PAG1: variants seen among roughly 807,000 people sequenced by gnomAD.
PAG1 encodes the protein phosphoprotein associated with glycosphingolipid-enriched microdomains 1.
PAG1 carries 23 observed loss-of-function variants against 31.7 expected under a neutral mutation model. That is an observed-to-expected ratio of 0.73 (90% CI 0.52 to 1.03). PAG1 has a LOEUF of 1.03. PAG1 is among the 50% of genes least tolerant of loss of function. The pLI, the probability that PAG1 is intolerant of heterozygous loss-of-function variation, is 0.00. For missense variants in PAG1, 473 were observed against 540.7 expected, an observed-to-expected ratio of 0.87 and a Z score of 1.24; for synonymous variants, 214 against 210.3, an observed-to-expected ratio of 1.02 and a Z score of -0.15.
intron 3 of PAG1, among the ~76,000 whole-genome samples, chr8:81,007,780 T>C (rs1807912737): frequency 6.6e-6 from 1 of 152,062 alleles, no homozygotes; most frequent in African/African-American, 2.4e-5. Flanking sequence ...GCATAGACTA[T>C]ATTTCTGTGA....
Position 81,098,184 on chromosome 8 carries a change from A to G in PAG1, c.-234+13407T>C, listed in dbSNP as rs142351192. 1.3e-3 allele frequency among the ~76,000 whole-genome samples: 195 copies of G among 152,342 alleles called. 1 individual carries two copies. The highest frequency in any genetic ancestry group is 4.3e-3 in the African/African-American group (177 of 41,576). ...CTGCAGTTATAGTTTTCTAAGTACTACCAATGGAAATCTGGAAATTAAAAC... is the reference window on the plus strand; with the variant it reads ...CTGCAGTTATAGTTTTCTAAGTACTGCCAATGGAAATCTGGAAATTAAAAC... On this transcript the variant is annotated intron_variant, in intron 1 of 8. Transcript: ENST00000220597.
chr8:81,091,017 T>C (rs1809435608), intron 1 of PAG1, among the ~76,000 whole-genome samples: 1 of 152,184 alleles, frequency 6.6e-6, no homozygotes, highest in Non-Finnish European at 1.5e-5. Context: ...GACTAGCTAA[T>C]ACAGGAACAT....
At chr8:81,056,559 A>G (rs948608680) in intron 2 of PAG1, among the ~76,000 whole-genome samples, 5 of 152,216 alleles carry the variant, frequency 3.3e-5, no homozygotes, top group Non-Finnish European at 7.3e-5. Context: ...CACCTTATAT[A>G]AAAATTAATT....
At position 80,971,883 on chromosome 8, in the gene PAG1, T is replaced by A. The variant is rs927527639; in HGVS notation, c.*4661A>T. The A allele has an allele frequency of 2.0e-5, 3 of 152,242 alleles. No individual in the cohort carries two copies. Among genetic ancestry groups the A allele is most frequent in the African/African-American group, 7.2e-5 (3 of 41,466 alleles). The allele number at this position is 152,242 out of a possible 1,614,324, so 9.4% of individuals were successfully genotyped here. On this transcript the variant is annotated 3_prime_UTR_variant, in exon 9 of 9. Transcript: ENST00000220597. ...TTTGTTCTCTTCTGGACCATGATTT[T>A]AAATTTTAATTTGGTAATTCCAGAT...
chr8:81,037,257 T>C (rs1053483519), intron 2 of PAG1: 2 of 152,188 alleles, frequency 1.3e-5, no homozygotes, highest in African/African-American at 4.8e-5. Context: ...ATCTACAACA[T>C]ACAGGACTCA....
At chr8:81,044,739 C>T (rs1808611725) in intron 2 of PAG1, among the ~76,000 whole-genome samples, 1 of 152,248 alleles carries the variant, frequency 6.6e-6, no homozygotes, top group Non-Finnish European at 1.5e-5. Context: ...CTGTAACCAC[C>T]CTACTGTCTT....
chr8:81,046,013 C>A (rs1808636121), intron 2 of PAG1, among the ~76,000 whole-genome samples: 1 of 152,172 alleles, frequency 6.6e-6, no homozygotes, highest in African/African-American at 2.4e-5. Context: ...TATCCTGATT[C>A]TCTCCTCTTT....
chr8:81,058,955 A>G (rs971997827), intron 2 of PAG1, among the ~76,000 whole-genome samples: 4 of 152,160 alleles, frequency 2.6e-5, no homozygotes, highest in African/African-American at 9.7e-5. Context: ...TTTCTTTAAT[A>G]ATAATTGTCA....
intron 1 of PAG1, among the ~76,000 whole-genome samples, chr8:81,099,042 T>C (rs1014711095): frequency 2.0e-5 from 3 of 152,222 alleles, no homozygotes; most frequent in African/African-American, 4.8e-5. Flanking sequence ...TGAACTGACA[T>C]GTGGTTAGTT....
chr8:81,060,049 C>T (rs188724916), intron 2 of PAG1, among the ~76,000 whole-genome samples: 8 of 151,436 alleles, frequency 5.3e-5, no homozygotes, highest in Admixed American at 4.6e-4. Context: ...TTTTTTAACC[C>T]CCTGCCTCTG....
At chr8:81,022,495 G>A (rs775718444) in intron 3 of PAG1, among the ~76,000 whole-genome samples, 37 of 152,020 alleles carry the variant, frequency 2.4e-4, no homozygotes, top group Admixed American at 6.5e-5. Context: ...AGCCACATTT[G>A]GATGTAATAG....
chr8:80,976,573 G>T lies in PAG1; in HGVS notation c.1270C>A (p.Gln424Lys). 1 of 1,613,408 alleles carries T rather than the reference G, an allele frequency of 6.2e-7. No individual in the cohort carries two copies. Among genetic ancestry groups the T allele is most frequent in the South Asian group, 1.1e-5 (1 of 90,964 alleles). ...AGCCTGGTAATATCTCTGCCTTGCT[G>T]CAAGTCACTTATGCTCTCGTAGTCG... The part of the protein sequence containing the change: ...ENDYESISDL[Q>K]QGRDITRL Residue 424 changes from glutamine to lysine, a missense_variant, in exon 9 of 9, where the codon CAG (glutamine) becomes AAG (lysine). Coordinates refer to ENST00000220597, the MANE Select transcript of PAG1 (RefSeq NM_018440.4).
At chr8:81,047,716 T>A (rs973442706) in intron 2 of PAG1, among the ~76,000 whole-genome samples, 36 of 152,114 alleles carry the variant, frequency 2.4e-4, no homozygotes, top group African/African-American at 8.7e-4. Flanking sequence ...CACAAACAAA[T>A]TTTTACTATG....
chr8:81,086,524 T>G (rs1017061557), intron 1 of PAG1, among the ~76,000 whole-genome samples: 8 of 151,962 alleles, frequency 5.3e-5, no homozygotes, highest in Non-Finnish European at 7.4e-5. Context: ...TGTGTGTGTG[T>G]GTGCATAAAA....
At chr8:81,027,111 A>G (rs1245538805) in intron 3 of PAG1, among the ~76,000 whole-genome samples, 1 of 152,004 alleles carries the variant, frequency 6.6e-6, no homozygotes. Flanking sequence ...CCCAGGATCA[A>G]GAGATCCTCC....
chr8:81,095,555 C>A (rs1255818126), intron 1 of PAG1, among the ~76,000 whole-genome samples: 1 of 152,050 alleles, frequency 6.6e-6, no homozygotes, highest in African/African-American at 2.4e-5. Flanking sequence ...TCAGGGGGAC[C>A]CTCCCTAGCC....
chr8:81,071,796 A>T (rs1029414087), intron 1 of PAG1, among the ~76,000 whole-genome samples: 2 of 152,192 alleles, frequency 1.3e-5, no homozygotes. Context: ...ACAGGTTGTG[A>T]ATACAGTACA....
chr8:81,007,037 C>T (rs1235870709), intron 3 of PAG1, among the ~76,000 whole-genome samples: 1 of 152,156 alleles, frequency 6.6e-6, no homozygotes, highest in East Asian at 1.9e-4. Flanking sequence ...CACAGTATGG[C>T]TCTGACAGCC....
chr8:81,035,341 T>G (rs77846131), intron 2 of PAG1, among the ~76,000 whole-genome samples: 1 of 152,130 alleles, frequency 6.6e-6, no homozygotes, highest in Non-Finnish European at 1.5e-5. Flanking sequence ...GTAAGGATTA[T>G]GGGAGCCTGA....
Sources: allele counts gnomAD v4.1 joint callset (sites outside exome capture counted in the v4.1 genomes callset), GRCh38; gene constraint gnomAD v4.1.1; transcripts MANE v1.5; gene names NCBI Gene and HGNC (gene_info 2026-07-23, HGNC 2026-07-21).